KMT2D: variants seen among roughly 807,000 people sequenced by gnomAD.
KMT2D encodes lysine methyltransferase 2D.
Under a neutral mutation model 512.7 loss-of-function variants are expected in KMT2D, and 55 were observed. The observed-to-expected ratio is 0.11, with a 90% CI of 0.09 to 0.13. KMT2D has a LOEUF of 0.13. Among genes scored for constraint, KMT2D ranks in the 10% least tolerant of loss-of-function variants. The pLI, the probability that KMT2D is intolerant of heterozygous loss-of-function variation, is 1.00. For synonymous variants in KMT2D, 2,995 were observed against 2,904.0 expected (o/e 1.03, Z -1.01); for missense variants, 6,061 against 7,127.9 (o/e 0.85, Z 5.39).
rs2120541985 is a variant in KMT2D at position 49,041,122 on chromosome 12, A to G, written c.6648T>C (p.Ser2216=). ...CCCCTGGCTGGCCAGCCCCAGGACG[A>G]GATGAGGCGCCCAGCATCGGGGGCT... is the stretch of plus-strand genomic sequence containing the variant. ...PAQPPMLGAS[S]RPGAGQPGEF... Residue 2216 remains serine (S), a synonymous_variant, in exon 32 of 55, where the codon TCT becomes TCC. Transcript: ENST00000301067. The surrounding 1 kb of genome is among the most constrained non-coding windows in gnomAD (Gnocchi z 5.4). 6.5e-7 allele frequency: 1 copy of G among 1,528,164 alleles called. No individual in the cohort carries two copies. 94.7% of individuals were successfully genotyped at this position (1,528,164 alleles called of 1,614,324 possible).
Position 49,039,066 on chromosome 12 carries a change from A to G in KMT2D, c.8367-77T>C, listed in dbSNP as rs2120508737. On this transcript the variant is annotated intron_variant, in intron 34 of 54. Coordinates refer to ENST00000301067, the MANE Select transcript of KMT2D (RefSeq NM_003482.4). The surrounding 1 kb of genome is among the most constrained non-coding windows in gnomAD (Gnocchi z 5.0). ...GAACATGGGCTTAGGGCAGTGAGGA[A>G]GGATAGAATTAATGCAGTGAGGGAG... 6.6e-7 allele frequency: 1 copy of G among 1,518,528 alleles called. No individual in the cohort carries two copies. Among genetic ancestry groups the G allele is most frequent in the Non-Finnish European group, 9.0e-7 (1 of 1,106,486 alleles). 94.1% of individuals were successfully genotyped at this position (1,518,528 alleles called of 1,614,324 possible).
Position 49,034,571 on chromosome 12 carries a change from T to TGAC in KMT2D, c.10440+8_10440+10dup. 1.9e-6 allele frequency: 3 copies of TGAC among 1,613,250 alleles called. No individual in the cohort carries two copies. Among genetic ancestry groups the TGAC allele is most frequent in the Non-Finnish European group, 2.5e-6 (3 of 1,179,580 alleles). On this transcript the variant is annotated intron_variant, in intron 37 of 54. Transcript: ENST00000301067. ...TAAGACACAAGTTCCTACTCCCACC[T>TGAC]GACCACTTACCTGGCCACTCCCAGC...
Position 49,054,629 on chromosome 12 carries a change from C to T in KMT2D, c.299G>A (p.Gly100Glu), listed in dbSNP as rs371058953. Residue 100 changes from glycine to glutamate, a missense_variant, in exon 4 of 55, where the codon GGG (glycine) becomes GAG (glutamate). By Grantham distance (98) the Gly-to-Glu change is moderately conservative. Coordinates refer to ENST00000301067, the MANE Select transcript of KMT2D (RefSeq NM_003482.4). This position sits in a 1 kb window ranked among gnomAD's most constrained non-coding sequence, Gnocchi z 6.4. ...DWPRCPVVSP[G>E]GSPGPNEAVL... The stretch of plus-strand genomic sequence containing the variant: ...TGCCTCATTGGGCCCTGGGCTCCCC[C>T]CAGGGGACACCACTGGACACCGGGG... 6.2e-7 allele frequency: 1 copy of T among 1,613,168 alleles called. No homozygotes were observed. The highest frequency in any genetic ancestry group is 8.5e-7 in the Non-Finnish European group (1 of 1,179,476).
chr12:49,024,838 A>G lies in KMT2D; in HGVS notation c.15893T>C (p.Val5298Ala), dbSNP rs912115941. The G allele has an allele frequency of 1.9e-6, 3 of 1,612,810 alleles. No homozygotes were observed. Among genetic ancestry groups the G allele is most frequent in the Admixed American group, 1.7e-5 (1 of 59,854 alleles). The change falls in exon 50 of 55, where the codon GTG becomes GCG. Residue 5298 changes from valine to alanine, a missense_variant. Val to Ala is a moderately conservative substitution (Grantham distance 64). This residue lies in a region of KMT2D where 261 missense variants were observed against 440.7 expected (regional missense o/e 0.59). Coordinates refer to ENST00000301067, the MANE Select transcript of KMT2D (RefSeq NM_003482.4). This position sits in a 1 kb window ranked among gnomAD's most constrained non-coding sequence, Gnocchi z 4.5. The stretch of plus-strand genomic sequence containing the variant: ...TTCAGCTATGCGAAGCACGGCATGC[A>G]CCGTCAGCCCAAAGAGCTCCTCGCC... ...LKGEELFGLT[V>A]HAVLRIAESL...
chr12:49,040,544 G>C lies in KMT2D; in HGVS notation c.7226C>G (p.Ser2409Cys), dbSNP rs2120530495. ...PPRSLPSDPF[S>C]RVPASPQSQS... ...GGACTGAGGACTGGCAGGCACTCGG[G>C]AGAAAGGGTCGGAGGGCAGTGAGCG... The change falls in exon 32 of 55, where the codon TCC becomes TGC. Residue 2409 changes from serine (S) to cysteine (C), a missense_variant. Transcript: ENST00000301067. 2.5e-6 allele frequency: 4 copies of C among 1,608,320 alleles called. No homozygotes were observed. Among genetic ancestry groups the C allele is most frequent in the Non-Finnish European group, 3.4e-6 (4 of 1,175,804 alleles).
Position 49,022,576 on chromosome 12 carries a change from C to T in KMT2D, c.16338+14G>A, listed in dbSNP as rs2137706046. ...CAGACTATGCACCACAATGGCCCCT[C>T]TGCCAGCTCATACCTGCTCTTCGTA... On this transcript the variant is annotated intron_variant, in intron 52 of 54. Coordinates refer to ENST00000301067, the MANE Select transcript of KMT2D (RefSeq NM_003482.4). The surrounding 1 kb of genome is among the most constrained non-coding windows in gnomAD (Gnocchi z 8.6). 6.2e-7 allele frequency: 1 copy of T among 1,610,030 alleles called. No individual in the cohort carries two copies. The highest frequency in any genetic ancestry group is 8.5e-7 in the Non-Finnish European group (1 of 1,177,202).
rs967055107 is a variant in KMT2D, at chr12:49,033,573, G to C, written c.11132C>G (p.Pro3711Arg). Reference sequence around the variant, plus strand: ...CCTTTCCTGTAAAAGCCTTGAATCAGGTCCGAGGCTTCGAAGAGCAAGGTT... The same window carrying C: ...CCTTTCCTGTAAAAGCCTTGAATCACGTCCGAGGCTTCGAAGAGCAAGGTT... ...PGNLALRSLG[P>R]DSRLLQERQL... The change falls in exon 40 of 55, where the codon CCT becomes CGT. Residue 3711 changes from proline to arginine, a missense_variant. By Grantham distance (103) the Pro-to-Arg change is moderately radical. Around this residue, in one of 16 missense-constraint regions of KMT2D, gnomAD observed 1,600 missense variants for 1,754.9 expected, o/e 0.91. Coordinates refer to ENST00000301067, the MANE Select transcript of KMT2D (RefSeq NM_003482.4). 3 of 1,613,566 alleles carry C rather than the reference G, an allele frequency of 1.9e-6. No individual in the cohort carries two copies. The highest frequency in any genetic ancestry group is 1.1e-5 in the South Asian group (1 of 91,082).
rs767657671 is a variant in KMT2D at position 49,026,892 on chromosome 12, A to C, written c.15074T>G (p.Val5025Gly). The change falls in exon 49 of 55, where the codon GTA becomes GGA. Residue 5025 changes from valine (V) to glycine (G), a missense_variant. This residue lies in a region of KMT2D where 1,600 missense variants were observed against 1,754.9 expected (regional missense o/e 0.91). Coordinates refer to ENST00000301067, the MANE Select transcript of KMT2D (RefSeq NM_003482.4). This position sits in a 1 kb window ranked among gnomAD's most constrained non-coding sequence, Gnocchi z 9.6. ...QLGTALRPDKVPRDMRRCCFC... is the reference protein window; with the variant it reads ...QLGTALRPDKGPRDMRRCCFC... ...ACAGCAGCGACGCATGTCTCGCGGT[A>C]CCTTGTCAGGTCGCAAGGCTGTGCC... The C allele has an allele frequency of 6.8e-6, 11 of 1,613,994 alleles. No individual in the cohort carries two copies. The highest frequency in any genetic ancestry group is 9.3e-6 in the Non-Finnish European group (11 of 1,179,896).
rs2137711297 is a variant in KMT2D, at chr12:49,024,804, C to T, written c.15921+6G>A. The T allele has an allele frequency of 6.2e-7, 1 of 1,612,364 alleles. No homozygotes were observed. Among genetic ancestry groups the T allele is most frequent in the Non-Finnish European group, 8.5e-7 (1 of 1,178,820 alleles). Reference sequence around the variant, plus strand: ...CAAGCCCCCCAGCTCCCAGCCCCTTCCTTACTGATTCAGCTATGCGAAGCA... The same window carrying T: ...CAAGCCCCCCAGCTCCCAGCCCCTTTCTTACTGATTCAGCTATGCGAAGCA... On this transcript the variant is annotated splice_donor_region_variant and intron_variant, in intron 50 of 54. Coordinates refer to ENST00000301067, the MANE Select transcript of KMT2D (RefSeq NM_003482.4). The surrounding 1 kb of genome is among the most constrained non-coding windows in gnomAD (Gnocchi z 4.5).
In KMT2D at chr12:49,039,432, T is replaced by G. The variant is rs774232772; in HGVS notation, c.8229+3A>C. 6.3e-7 allele frequency: 1 copy of G among 1,599,900 alleles called. No homozygotes were observed. The highest frequency in any genetic ancestry group is 2.2e-5 in the East Asian group (1 of 44,700). On this transcript the variant is annotated splice_donor_region_variant and intron_variant, in intron 33 of 54. Transcript: ENST00000301067. The surrounding 1 kb of genome is among the most constrained non-coding windows in gnomAD (Gnocchi z 5.0). ...CCCCACTATCCCTTGCCACTCTACC[T>G]ACCTGTGTCCCAGCAAAGGGGGTCT...
Position 49,052,183 on chromosome 12 carries a change from C to A in KMT2D, c.1500G>T (p.Glu500Asp), listed in dbSNP as rs1298044583. 1 of 1,613,162 alleles carries A rather than the reference C, an allele frequency of 6.2e-7. No homozygotes were observed. Among genetic ancestry groups the A allele is most frequent in the Non-Finnish European group, 8.5e-7 (1 of 1,179,636 alleles). ...ATTCAGGTGGGGGAGACAGAGGAGACTCCTCAGGCGGCGGAGAGAGGGGCG... is the reference window on the plus strand; with the variant it reads ...ATTCAGGTGGGGGAGACAGAGGAGAATCCTCAGGCGGCGGAGAGAGGGGCG... The part of the protein sequence containing the change: ...EESPLSPPPE[E>D]SPLSPPPESS... Residue 500 changes from glutamate (E) to aspartate (D), a missense_variant, in exon 11 of 55, where the codon GAG (glutamate) becomes GAT (aspartate). By Grantham distance (45) the Glu-to-Asp change is conservative. This residue lies in a region of KMT2D where 848 missense variants were observed against 838.5 expected (regional missense o/e 1.01). Coordinates refer to ENST00000301067, the MANE Select transcript of KMT2D (RefSeq NM_003482.4).
rs1943480871 is a variant in KMT2D at position 49,040,840 on chromosome 12, G to A, written c.6930C>T (p.Pro2310=). Residue 2310 remains proline, a synonymous_variant, in exon 32 of 55, where the codon CCC becomes CCT. Transcript: ENST00000301067. The part of the protein sequence containing the change: ...GPPNLGFVDS[P]SSGTHLGGLE... ...GGCCACCCAGGTGGGTGCCTGAGGA[G>A]GGTGAGTCAACAAAGCCCAGGTTTG... is the stretch of plus-strand genomic sequence containing the variant. The A allele has an allele frequency of 6.2e-7, 1 of 1,613,790 alleles. No homozygotes were observed. The highest frequency in any genetic ancestry group is 8.5e-7 in the Non-Finnish European group (1 of 1,179,762).
chr12:49,030,508 A>T (rs1420284990), intron 42 of KMT2D, 69 bp from the exon 43 acceptor site: 1 of 1,429,862 alleles, frequency 7.0e-7, no homozygotes, highest in Non-Finnish European at 9.5e-7. Flanking sequence ...TCCTGGCCCC[A>T]CTCTACGTCA....
chr12:49,029,345 G>A (rs1417703026), intron 44 of KMT2D, 56 bp downstream of exon 44: 16 of 1,565,242 alleles, frequency 1.0e-5, no homozygotes, highest in African/African-American at 1.4e-5. Flanking sequence ...AAGGAAATAT[G>A]AGGCAACCTG....
At chr12:49,045,367 G>A (rs1031997592) in intron 19 of KMT2D, among the ~76,000 whole-genome samples, 4 of 152,178 alleles carry the variant, frequency 2.6e-5, no homozygotes, top group Non-Finnish European at 4.4e-5. Flanking sequence ...GTTCTCAGCC[G>A]GGCGCGGTGC....
chr12:49,023,491 T>A (rs1209435150), intron 51 of KMT2D, among the ~76,000 whole-genome samples: 1 of 152,220 alleles, frequency 6.6e-6, no homozygotes, highest in Admixed American at 6.5e-5. Context: ...CCTGGCAGGA[T>A]GCCTTTTACC....
Position 49,033,297 on chromosome 12 carries a change from C to A in KMT2D, c.11408G>T (p.Gly3803Val). The A allele has an allele frequency of 6.3e-7, 1 of 1,585,736 alleles. No homozygotes were observed. The highest frequency in any genetic ancestry group is 1.3e-5 in the African/African-American group (1 of 74,530). ...QPPQGPQGML[G>V]PAQVAVLQQQ... ...CTGCAACACAGCCACCTGGGCAGGG[C>A]CCAGCATGCCCTGGGGCCCCTGGGG... Residue 3803 changes from glycine (G) to valine (V), a missense_variant, in exon 40 of 55, where the codon GGC (glycine) becomes GTC (valine). Coordinates refer to ENST00000301067, the MANE Select transcript of KMT2D (RefSeq NM_003482.4).
chr12:49,041,689 T>C lies in KMT2D; in HGVS notation c.6200A>G (p.Asn2067Ser). 6.2e-7 allele frequency: 1 copy of C among 1,612,256 alleles called. No homozygotes were observed. The highest frequency in any genetic ancestry group is 8.5e-7 in the Non-Finnish European group (1 of 1,179,048). ...KAPYLQKAKDNRAAHRINKVQ... is the reference protein window; with the variant it reads ...KAPYLQKAKDSRAAHRINKVQ... ...CTTGTTGATGCGGTGAGCTGCCCGG[T>C]TATCTTTGGCCTTTTGCTGAGGGAT... The change falls in exon 31 of 55, where the codon AAC becomes AGC. Residue 2067 changes from asparagine (N) to serine (S), a missense_variant. Asn to Ser is a conservative substitution (Grantham distance 46). This residue lies in a region of KMT2D where 640 missense variants were observed against 814.3 expected (regional missense o/e 0.79). Coordinates refer to ENST00000301067, the MANE Select transcript of KMT2D (RefSeq NM_003482.4). This position sits in a 1 kb window ranked among gnomAD's most constrained non-coding sequence, Gnocchi z 5.4.
rs530249396 is a variant in KMT2D, at chr12:49,021,352, A to G, written c.*428T>C. 3.5e-5 allele frequency: 9 copies of G among 259,026 alleles called. No individual in the cohort carries two copies. The allele number at this position is 259,026 out of a possible 1,614,324, so 16.0% of individuals were successfully genotyped here. ...TGGGACCCGGCCTTTGGGATTGTCA[A>G]GCTTAGTCAAGTCTCTTTGCAGCCG... On this transcript the variant is annotated 3_prime_UTR_variant, in exon 55 of 55. Coordinates refer to ENST00000301067, the MANE Select transcript of KMT2D (RefSeq NM_003482.4).
Sources: allele counts gnomAD v4.1 joint callset (sites outside exome capture counted in the v4.1 genomes callset), GRCh38; gene constraint gnomAD v4.1.1; regional missense constraint gnomAD v4.1.1; non-coding constraint Gnocchi (gnomAD v3.1); transcripts MANE v1.5; gene names NCBI Gene and HGNC (gene_info 2026-07-23, HGNC 2026-07-21).